TENM4: variants seen among roughly 807,000 people sequenced by gnomAD.
TENM4 encodes the protein teneurin-4.
TENM4 carries 82 observed loss-of-function variants against 243.3 expected under a neutral mutation model. That is an observed-to-expected ratio of 0.34 (90% CI 0.28 to 0.40). The LOEUF is 0.40. Ranked by LOEUF, TENM4 falls within the 10% of genes least tolerant of loss-of-function variation. The pLI is 1.00. For missense variants in TENM4, 3,138 were observed against 3,673.3 expected, an observed-to-expected ratio of 0.85 and a Z score of 3.77; for synonymous variants, 1,412 against 1,456.3, an observed-to-expected ratio of 0.97 and a Z score of 0.69.
chr11:79,228,685 C>T (rs1864320341), intron 2 of TENM4, among the ~76,000 whole-genome samples: 2 of 152,004 alleles, frequency 1.3e-5, no homozygotes, highest in East Asian at 1.9e-4. Flanking sequence ...ACATATGTTC[C>T]CCCACTTCAT....
intron 12 of TENM4, among the ~76,000 whole-genome samples, chr11:78,844,828 T>C (rs564176153): frequency 6.6e-6 from 1 of 152,296 alleles, no homozygotes; most frequent in East Asian, 1.9e-4. Context: ...CTGTGAGAAA[T>C]AAATTTCTAT....
intron 12 of TENM4, among the ~76,000 whole-genome samples, chr11:78,841,880 C>T (rs77430853): frequency 0.023 from 3,455 of 152,222 alleles, 140 homozygotes; most frequent in African/African-American, 0.08. Flanking sequence ...CCAATGAGGG[C>T]GCCAGTGACC....
At chr11:79,402,163 A>G (rs977663710) in intron 1 of TENM4, 7 of 319,332 alleles carry the variant, frequency 2.2e-5, no homozygotes, top group African/African-American at 4.2e-5. Context: ...GTTTCTGAAA[A>G]CCCCTGGGGC....
chr11:78,735,357 T>C (rs980803396), intron 20 of TENM4, among the ~76,000 whole-genome samples: 3 of 152,258 alleles, frequency 2.0e-5, no homozygotes, highest in African/African-American at 7.2e-5. Flanking sequence ...ACAATTTTTC[T>C]GTCACAGAAC....
intron 6 of TENM4, among the ~76,000 whole-genome samples, chr11:79,027,093 T>C (rs1333541421): frequency 6.6e-6 from 1 of 152,122 alleles, no homozygotes; most frequent in Non-Finnish European, 1.5e-5. Context: ...AAGAAGTAAA[T>C]GTGGGTTGAA....
chr11:79,329,598 G>A (rs1363468587), intron 1 of TENM4, among the ~76,000 whole-genome samples: 1 of 152,200 alleles, frequency 6.6e-6, no homozygotes, highest in Non-Finnish European at 1.5e-5. Flanking sequence ...GTACTTGGTC[G>A]AGGATCGAGA....
chr11:79,057,900 T>A (rs1424133899), intron 6 of TENM4, among the ~76,000 whole-genome samples: 2 of 152,216 alleles, frequency 1.3e-5, no homozygotes, highest in Admixed American at 1.3e-4. Flanking sequence ...TTACCCCTCT[T>A]TGCCTGTTAC....
intron 1 of TENM4, among the ~76,000 whole-genome samples, chr11:79,396,172 C>A (rs1858340103): frequency 6.6e-6 from 1 of 152,164 alleles, no homozygotes; most frequent in African/African-American, 2.4e-5. Flanking sequence ...GTAAGCTTTT[C>A]TTGACCAGCC....
At chr11:79,171,331 G>A (rs1324063968) in intron 3 of TENM4, among the ~76,000 whole-genome samples, 1 of 152,224 alleles carries the variant, frequency 6.6e-6, no homozygotes, top group Non-Finnish European at 1.5e-5. Context: ...CCTTAAGAAG[G>A]AAAGGCAGCT....
chr11:79,333,738 C>T (rs573682604), intron 1 of TENM4, among the ~76,000 whole-genome samples: 138 of 152,300 alleles, frequency 9.1e-4, no homozygotes, highest in African/African-American at 3.2e-3. Flanking sequence ...GCCAATTGTA[C>T]GTAGTAAAGA....
intron 1 of TENM4, among the ~76,000 whole-genome samples, chr11:79,403,810 G>A (rs896970125): frequency 6.6e-6 from 1 of 152,100 alleles, no homozygotes; most frequent in Admixed American, 6.5e-5. Flanking sequence ...AATCCGGGGG[G>A]TTGAGGGGGG....
chr11:79,359,201 G>T (rs1857549806), intron 1 of TENM4, among the ~76,000 whole-genome samples: 1 of 152,128 alleles, frequency 6.6e-6, no homozygotes, highest in Non-Finnish European at 1.5e-5. Flanking sequence ...AGGAAGTTGA[G>T]GTTGCAGTAA....
chr11:79,121,466 T>C (rs1302774891), intron 4 of TENM4, among the ~76,000 whole-genome samples: 1 of 152,224 alleles, frequency 6.6e-6, no homozygotes, highest in African/African-American at 2.4e-5. Context: ...CAGGCTGTAC[T>C]GAAAAGACTC....
chr11:79,035,394 C>T lies in TENM4; in HGVS notation c.493+29344G>A, dbSNP rs117167771. ...CATCAGTGAAGCCATTTGCACCCTA[C>T]AGCTCTGTGTCACTCTGCTGTGCCT... On this transcript the variant is annotated intron_variant, in intron 6 of 33. Coordinates refer to ENST00000278550, the MANE Select transcript of TENM4 (RefSeq NM_001098816.3). Among the ~76,000 whole-genome samples, 91 of 152,334 alleles carry T rather than the reference C, an allele frequency of 6.0e-4. 1 individual carries two copies. In the East Asian group the frequency reaches 0.018, roughly 29 times the overall value.
At chr11:78,734,851 G>C (rs756593543) in intron 20 of TENM4, among the ~76,000 whole-genome samples, 11 of 152,280 alleles carry the variant, frequency 7.2e-5, no homozygotes, top group Non-Finnish European at 1.0e-4. Flanking sequence ...AAAAGTTGAT[G>C]GAATAAATGC....
intron 6 of TENM4, among the ~76,000 whole-genome samples, chr11:79,057,617 T>C (rs182792312): frequency 6.6e-6 from 1 of 152,346 alleles, no homozygotes; most frequent in East Asian, 1.9e-4. Context: ...TTGTTCATCA[T>C]CAATTTTCCC....
chr11:79,412,520 G>T (rs1858722767), intron 1 of TENM4, among the ~76,000 whole-genome samples: 1 of 152,178 alleles, frequency 6.6e-6, no homozygotes, highest in African/African-American at 2.4e-5. Flanking sequence ...TACTACCCAT[G>T]TGACCTTGGA....
intron 4 of TENM4, among the ~76,000 whole-genome samples, chr11:79,085,071 T>C (rs1860772303): frequency 6.6e-6 from 1 of 152,170 alleles, no homozygotes; most frequent in Non-Finnish European, 1.5e-5. Flanking sequence ...AATTTCAATG[T>C]AGAGAAAAGG....
rs1229577295 is a variant in TENM4, at chr11:78,702,034, C to T, written c.4579G>A (p.Asp1527Asn). The change falls in exon 28 of 34, where the codon GAC becomes AAC. Residue 1527 changes from aspartate (D) to asparagine (N), a missense_variant. Physicochemically the swap from Asp to Asn is conservative, Grantham distance 23. Transcript: ENST00000278550. ...TTTGCATCCTTGGCATAACCATCGTCTCCAGAAAAACAATCACAGTTGGCA... is the reference window on the plus strand; with the variant it reads ...TTTGCATCCTTGGCATAACCATCGTTTCCAGAAAAACAATCACAGTTGGCA... ...NDANCDCFSG[D>N]DGYAKDAKLN... The T allele has an allele frequency of 1.9e-6, 3 of 1,613,834 alleles. No homozygotes were observed. Among genetic ancestry groups the T allele is most frequent in the Admixed American group, 3.3e-5 (2 of 59,994 alleles).
Sources: gnomAD v4.1 joint callset for allele counts (sites outside exome capture counted in the v4.1 genomes callset) on GRCh38, gnomAD v4.1.1 for gene constraint, MANE v1.5 for transcripts, NCBI Gene and HGNC (gene_info 2026-07-23, HGNC 2026-07-21) for gene names.